Variants in PDE10A observed in about 807,000 individuals in gnomAD.
The protein encoded by PDE10A is cAMP and cAMP-inhibited cGMP 3',5'-cyclic phosphodiesterase 10A.
PDE10A carries 39 observed loss-of-function variants against 97.7 expected under a neutral mutation model. The observed-to-expected ratio is 0.40, with a 90% confidence interval of 0.31 to 0.52. The LOEUF is 0.52. PDE10A is among the 20% of genes least tolerant of loss of function. The pLI is 0.56. For synonymous variants in PDE10A, 371 were observed against 376.8 expected (o/e 0.98, Z 0.18); for missense variants, 731 against 1,047.8 (o/e 0.70, Z 4.17).
chr6:165,866,297 C>A (rs532459213), intron 1 of PDE10A, among the ~76,000 whole-genome samples: 1 of 151,756 alleles, frequency 6.6e-6, no homozygotes, highest in Non-Finnish European at 1.5e-5. Flanking sequence ...TATATGACCA[C>A]ATCTGTTGAA....
At chr6:165,580,749 A>T (rs1250154511) in intron 1 of PDE10A, among the ~76,000 whole-genome samples, 2 of 150,450 alleles carry the variant, frequency 1.3e-5, no homozygotes, top group Admixed American at 1.3e-4. Context: ...AAGACAAAGA[A>T]GATAGTAAGT....
At chr6:165,471,673 A>G (rs1480380186) in intron 3 of PDE10A, among the ~76,000 whole-genome samples, 4 of 152,022 alleles carry the variant, frequency 2.6e-5, no homozygotes, top group Admixed American at 2.0e-4. Context: ...CTCTGTTTTA[A>G]TATCACATAT....
chr6:165,758,517 AAG>A (rs1491363841), intron 1 of PDE10A, among the ~76,000 whole-genome samples: 3 of 80,770 alleles, frequency 3.7e-5, no homozygotes, highest in African/African-American at 6.0e-5. Context: ...AAGAAAGAAG[AAG>A]AAGAAGAAGA....
intron 1 of PDE10A, among the ~76,000 whole-genome samples, chr6:165,814,412 C>G (rs1779356036): frequency 6.6e-6 from 1 of 151,322 alleles, no homozygotes; most frequent in South Asian, 2.1e-4. Context: ...AGCAAACCTC[C>G]AAAACGATTC....
At chr6:165,838,569 T>G (rs550107701) in intron 1 of PDE10A, among the ~76,000 whole-genome samples, 2 of 152,078 alleles carry the variant, frequency 1.3e-5, no homozygotes, top group Non-Finnish European at 2.9e-5. Context: ...ACTCCCCATT[T>G]CTCCTCCCCC....
In PDE10A at chr6:165,799,477, AT is replaced by A. The variant is rs1778922501; in HGVS notation, c.-615+188051del. 2.6e-5 allele frequency among the ~76,000 whole-genome samples: 4 copies of A among 152,018 alleles called. No individual in the cohort carries two copies. The South Asian group carries it at 8.3e-4, about 32-fold the overall frequency. On this transcript the variant is annotated intron_variant, in intron 1 of 19. Coordinates refer to the PDE10A transcript ENST00000366882. ...AATAAAGTTCTTTCACTATGGAGGG[AT>A]TTTCCCTAGAAGAGCTTGCAAATGC...
intron 1 of PDE10A, among the ~76,000 whole-genome samples, chr6:165,841,884 C>T (rs565467242): frequency 7.2e-5 from 11 of 152,280 alleles, no homozygotes; most frequent in Admixed American, 3.3e-4. Flanking sequence ...ATGAATATGA[C>T]GTAAATTATG....
chr6:165,639,213 C>T (rs972969961), intron 1 of PDE10A, among the ~76,000 whole-genome samples: 2 of 152,236 alleles, frequency 1.3e-5, no homozygotes, highest in South Asian at 4.1e-4. Context: ...TAGGAGTCCA[C>T]AACCAATGTA....
chr6:165,605,990 T>C (rs148921438), intron 1 of PDE10A, among the ~76,000 whole-genome samples: 1 of 152,250 alleles, frequency 6.6e-6, no homozygotes, highest in Non-Finnish European at 1.5e-5. Context: ...ACAGGGATTA[T>C]TTCTGATTCA....
chr6:165,695,583 G>A (rs2128442691), intron 1 of PDE10A, among the ~76,000 whole-genome samples: 1 of 152,326 alleles, frequency 6.6e-6, no homozygotes, highest in South Asian at 2.1e-4. Context: ...TGAAAAAGTT[G>A]GGAGTGGGGG....
intron 1 of PDE10A, among the ~76,000 whole-genome samples, chr6:165,881,683 A>T (rs1781483969): frequency 2.0e-5 from 3 of 151,646 alleles, no homozygotes; most frequent in South Asian, 4.2e-4. Context: ...CACAGGCATG[A>T]GCCACTGAGC....
intron 1 of PDE10A, among the ~76,000 whole-genome samples, chr6:165,987,144 A>C (rs1343254588): frequency 2.0e-5 from 3 of 152,122 alleles, no homozygotes; most frequent in Admixed American, 6.5e-5. Context: ...CTGGCGCGGC[A>C]GCCGCTGCGG....
At chr6:165,405,451 A>T (rs1012870633) in intron 13 of PDE10A, among the ~76,000 whole-genome samples, 6 of 152,244 alleles carry the variant, frequency 3.9e-5, no homozygotes, top group African/African-American at 9.6e-5. Context: ...AATTCATAAA[A>T]TATAATGACT....
chr6:165,940,538 G>A (rs934816243), intron 1 of PDE10A: 1 of 152,290 alleles, frequency 6.6e-6, no homozygotes, highest in Non-Finnish European at 1.5e-5. Context: ...GCAGCCTGGC[G>A]CTCTGCGGGC....
chr6:165,631,844 A>T (rs982661274), intron 1 of PDE10A, among the ~76,000 whole-genome samples: 1 of 152,238 alleles, frequency 6.6e-6, no homozygotes, highest in South Asian at 2.1e-4. Flanking sequence ...ATAAACGACC[A>T]CCCAAAGATA....
intron 13 of PDE10A, among the ~76,000 whole-genome samples, chr6:165,404,394 C>T (rs969538571): frequency 1.3e-5 from 2 of 151,910 alleles, no homozygotes; most frequent in Non-Finnish European, 1.5e-5. Flanking sequence ...AAAAAAGAAG[C>T]CTTGTCTCTA....
chr6:165,907,385 T>A (rs1782320582), intron 1 of PDE10A, among the ~76,000 whole-genome samples: 1 of 152,236 alleles, frequency 6.6e-6, no homozygotes, highest in Non-Finnish European at 1.5e-5. Context: ...AGCCTCCCTC[T>A]GAAAGAGCAG....
chr6:165,689,550 G>A (rs1276429111), intron 1 of PDE10A, among the ~76,000 whole-genome samples: 2 of 152,232 alleles, frequency 1.3e-5, no homozygotes, highest in African/African-American at 2.4e-5. Context: ...GTGAGTTCTC[G>A]TTCTGTTAGT....
intron 8 of PDE10A, among the ~76,000 whole-genome samples, chr6:165,430,673 T>C (rs1230270882): frequency 7.9e-5 from 12 of 152,170 alleles, no homozygotes; most frequent in Non-Finnish European, 1.6e-4. Context: ...CAGGTCTGGA[T>C]AGTCGACCCA....
Sources: gnomAD v4.1 joint callset for allele counts (sites outside exome capture counted in the v4.1 genomes callset) on GRCh38, gnomAD v4.1.1 for gene constraint, MANE v1.5 for transcripts, NCBI Gene and HGNC (gene_info 2026-07-23, HGNC 2026-07-21) for gene names.